Variants in RASL12 observed in about 807,000 individuals in gnomAD.
The protein encoded by RASL12 is ras-like protein family member 12.
A neutral mutation model predicts 22.9 loss-of-function variants in RASL12; 16 were observed. The observed-to-expected ratio is 0.70, with a 90% CI of 0.47 to 1.06. RASL12 has a LOEUF of 1.06. Ranked by LOEUF, RASL12 falls within the 50% of genes least tolerant of loss-of-function variation. The probability of loss-of-function intolerance (pLI) is 0.00; values close to 1 mark genes in which losing one functional copy is unlikely to be tolerated. For synonymous variants in RASL12, 159 were observed against 152.2 expected (o/e 1.04, Z -0.33); for missense variants, 306 against 353.1 (o/e 0.87, Z 1.07).
downstream of RASL12, chr15:65,049,249 A>C (rs2086615650): frequency 6.6e-6 from 1 of 151,804 alleles, no homozygotes; most frequent in Non-Finnish European, 1.5e-5. Context: ...GGCCTACACG[A>C]AGTAAGGGAT....
intron 3 of RASL12, 111 bp from the exon 4 acceptor site, chr15:65,058,728 C>T: frequency 3.8e-6 from 3 of 792,254 alleles, no homozygotes; most frequent in East Asian, 3.1e-5. Context: ...TATATTGTTT[C>T]TCAGCAGAGC....
chr15:65,067,473 A>G (rs1013800392), intron 1 of RASL12, among the ~76,000 whole-genome samples: 1 of 152,116 alleles, frequency 6.6e-6, no homozygotes, highest in Non-Finnish European at 1.5e-5. Flanking sequence ...GAGGACAGAG[A>G]CAGTGGGAAG....
At chr15:65,050,570 T>A (rs2086636633), downstream of RASL12, among the ~76,000 whole-genome samples, 1 of 152,298 alleles carries the variant, frequency 6.6e-6, no homozygotes, top group East Asian at 1.9e-4. Flanking sequence ...AAAGGTGACA[T>A]TTTTATCATC....
chr15:65,058,595 C>G lies in RASL12; in HGVS notation c.257G>C (p.Arg86Pro), dbSNP rs746257056. The change falls in exon 4 of 5, where the codon CGC becomes CCC. Residue 86 changes from arginine (R) to proline (P), a missense_variant. Transcript: ENST00000220062. ...GAAGGCATGGGCCCAGTTCAGGTAG[C>G]GCTCGCAGTTCCTGGGGGTGTCCTG... ...ADLDTPRNCE[R>P]YLNWAHAFLV... is the part of the protein sequence containing the mutation. The G allele has an allele frequency of 1.3e-6, 2 of 1,576,870 alleles. No individual in the cohort carries two copies. Among genetic ancestry groups the G allele is most frequent in the Non-Finnish European group, 1.7e-6 (2 of 1,155,236 alleles).
downstream of RASL12, chr15:65,049,953 T>TG: frequency 1.4e-6 from 2 of 1,447,588 alleles, no homozygotes; most frequent in African/African-American, 1.4e-5. Context: ...GGAGGGCTGC[T>TG]GGGGCTAAGG....
intron 4 of RASL12, among the ~76,000 whole-genome samples, chr15:65,057,235 C>T (rs1322672186): frequency 6.6e-6 from 1 of 152,184 alleles, no homozygotes; most frequent in African/African-American, 2.4e-5. Context: ...AGTCAATGTG[C>T]CCTTGGGGCC....
chr15:65,052,023 C>A (rs1235315523), downstream of RASL12, among the ~76,000 whole-genome samples: 1 of 152,168 alleles, frequency 6.6e-6, no homozygotes. Flanking sequence ...TGGGTCCCTC[C>A]ACTATGGCCA....
chr15:65,049,188 T>C (rs2086614647), downstream of RASL12: 2 of 151,726 alleles, frequency 1.3e-5, no homozygotes, highest in South Asian at 4.1e-4. Flanking sequence ...TGTCTGACTG[T>C]TTTGAGATTG....
intron 4 of RASL12, among the ~76,000 whole-genome samples, chr15:65,058,101 T>C (rs2086755483): frequency 6.6e-6 from 1 of 152,064 alleles, no homozygotes; most frequent in African/African-American, 2.4e-5. Context: ...AAACCCCATC[T>C]CTACTAAAAA....
intron 2 of RASL12, among the ~76,000 whole-genome samples, chr15:65,062,715 C>T (rs1321304592): frequency 6.6e-6 from 1 of 152,160 alleles, no homozygotes; most frequent in Non-Finnish European, 1.5e-5. Context: ...TCTCAGAAGA[C>T]CTAGGAAGGG....
chr15:65,060,799 TC>T, intron 2 of RASL12, among the ~76,000 whole-genome samples: 1 of 152,310 alleles, frequency 6.6e-6, no homozygotes, highest in East Asian at 1.9e-4. Flanking sequence ...AACACTTCTT[TC>T]TGAGGGCCAC....
intron 1 of RASL12, among the ~76,000 whole-genome samples, chr15:65,076,018 C>G (rs2086965688): frequency 6.6e-6 from 1 of 152,198 alleles, no homozygotes; most frequent in East Asian, 1.9e-4. Flanking sequence ...CTGTATCTAA[C>G]TAATCTGATG....
rs2086700329 is a variant in RASL12, at chr15:65,054,541, C to T, written c.*358G>A. On this transcript the variant is annotated 3_prime_UTR_variant, in exon 5 of 5. Transcript: ENST00000220062. ...CAGAGCCATCCACCCAGACCATCCA[C>T]TAAGGCCACAGCTGGCCCAACTGTA... is the stretch of plus-strand genomic sequence containing the variant. 1 of 1,063,856 alleles carries T rather than the reference C, an allele frequency of 9.4e-7. No homozygotes were observed. Among genetic ancestry groups the T allele is most frequent in the African/African-American group, 1.6e-5 (1 of 60,846 alleles). The allele number at this position is 1,063,856 out of a possible 1,614,324, so 65.9% of individuals were successfully genotyped here.
chr15:65,071,361 C>T (rs76291026), upstream of RASL12, among the ~76,000 whole-genome samples: 94 of 152,198 alleles, frequency 6.2e-4, no homozygotes, highest in African/African-American at 1.8e-3. Context: ...CCTGGGAACT[C>T]TGTGGGCTGC....
intron 2 of RASL12, 26 bp from the exon 3 acceptor site, chr15:65,059,444 C>G: frequency 6.3e-7 from 1 of 1,585,322 alleles, no homozygotes. Flanking sequence ...TTAGCCAGGT[C>G]AGACACAGTG....
At chr15:65,050,833 C>CTTTTTTTTTTTTTTTTTTTTTTTTTTTT (rs67418433), downstream of RASL12, among the ~76,000 whole-genome samples, 16 of 88,602 alleles carry the variant, frequency 1.8e-4, no homozygotes, top group East Asian at 3.8e-4. Context: ...TCTTCTTCTT[C>CTTTTTTTTTTTTTTTTTTTTTTTTTTTT]TTCTTTTTTT....
At position 65,067,917 on chromosome 15, in the gene RASL12, G is replaced by A. The variant is rs1400568483; in HGVS notation, c.-82C>T. The A allele has an allele frequency of 7.5e-7, 1 of 1,339,204 alleles. No homozygotes were observed. Among genetic ancestry groups the A allele is most frequent in the Admixed American group, 4.1e-5 (1 of 24,424 alleles). 83.0% of individuals were successfully genotyped at this position (1,339,204 alleles called of 1,614,324 possible). On this transcript the variant is annotated 5_prime_UTR_variant, in exon 1 of 5. Transcript: ENST00000220062. ...CCGCCCGTCGGGGCCCAGGGGAGCGGGATGCAGGCTTCCCTGGAGCGCGCG... is the reference window on the plus strand; with the variant it reads ...CCGCCCGTCGGGGCCCAGGGGAGCGAGATGCAGGCTTCCCTGGAGCGCGCG...
downstream of RASL12, chr15:65,051,544 C>T: frequency 6.2e-7 from 1 of 1,613,790 alleles, no homozygotes; most frequent in Non-Finnish European, 8.5e-7. Context: ...CATCCTTGCC[C>T]TGGCAGCTGT....
chr15:65,049,805 A>G (rs1198916088), downstream of RASL12: 1 of 411,078 alleles, frequency 2.4e-6, no homozygotes, highest in Non-Finnish European at 4.4e-6. Flanking sequence ...TTTTTGTCCC[A>G]TAACTTTGGG....
Sources: allele counts gnomAD v4.1 joint callset (sites outside exome capture counted in the v4.1 genomes callset), GRCh38; gene constraint gnomAD v4.1.1; transcripts MANE v1.5; gene names NCBI Gene and HGNC (gene_info 2026-07-23, HGNC 2026-07-21).